The following TMC1 variants were observed in gnomAD, a reference collection of about 807,000 sequenced individuals.
TMC1 encodes the protein transmembrane channel like 1.
In TMC1, 84 loss-of-function variants were observed where a neutral mutation model predicts 105.8. The observed-to-expected ratio is 0.79, with a 90% CI of 0.67 to 0.95. The LOEUF (loss-of-function observed/expected upper bound fraction) is 0.95. Ranked by LOEUF, TMC1 falls within the 40% of genes least tolerant of loss-of-function variation. The pLI, the probability that TMC1 is intolerant of heterozygous loss-of-function variation, is 0.00. For synonymous variants in TMC1, 315 were observed against 311.5 expected (o/e 1.01, Z -0.12); for missense variants, 817 against 914.1 (o/e 0.89, Z 1.37).
At chr9:72,536,607 C>T (rs1313460749) in intron 1 of TMC1, among the ~76,000 whole-genome samples, 1 of 152,216 alleles carries the variant, frequency 6.6e-6, no homozygotes, top group Non-Finnish European at 1.5e-5. Context: ...GCTGGGATTA[C>T]AGACGTGAGC....
chr9:72,529,837 G>A (rs1823469134), intron 1 of TMC1, among the ~76,000 whole-genome samples: 1 of 152,120 alleles, frequency 6.6e-6, no homozygotes, highest in South Asian at 2.1e-4. Flanking sequence ...CTCACCTGCA[G>A]CTAGATAAAA....
intron 1 of TMC1, among the ~76,000 whole-genome samples, chr9:72,572,551 G>A (rs933465873): frequency 6.6e-6 from 1 of 152,154 alleles, no homozygotes; most frequent in African/African-American, 2.4e-5. Context: ...ATAGACATGG[G>A]ACTAAAGGAG....
chr9:72,530,743 TTTG>T (rs1823485491), intron 1 of TMC1, among the ~76,000 whole-genome samples: 1 of 152,064 alleles, frequency 6.6e-6, no homozygotes, highest in Admixed American at 6.5e-5. Context: ...AGTATTATAA[TTTG>T]TTTATTGAAT....
chr9:72,602,364 T>A (rs1229849875), intron 2 of TMC1, among the ~76,000 whole-genome samples: 1 of 137,478 alleles, frequency 7.3e-6, no homozygotes, highest in Non-Finnish European at 1.5e-5. Flanking sequence ...CTCCTATTGG[T>A]GATTTTTTTT....
intron 10 of TMC1, 132 bp downstream of exon 10, chr9:72,742,657 A>G: frequency 1.2e-6 from 1 of 809,818 alleles, no homozygotes. Context: ...CAAAAACCAA[A>G]TCAACAAAAA....
intron 2 of TMC1, among the ~76,000 whole-genome samples, chr9:72,605,215 T>G (rs979165090): frequency 5.3e-5 from 8 of 152,194 alleles, no homozygotes; most frequent in African/African-American, 1.7e-4. Flanking sequence ...GGGTTATCAT[T>G]TATCTATAGT....
At chr9:72,753,440 T>C (rs566902947) in intron 11 of TMC1, among the ~76,000 whole-genome samples, 2 of 152,228 alleles carry the variant, frequency 1.3e-5, no homozygotes, top group South Asian at 4.2e-4. Flanking sequence ...CCATGCTGCC[T>C]CCATGTGGAG....
chr9:72,725,386 T>C (rs1484483164), intron 8 of TMC1, among the ~76,000 whole-genome samples: 10 of 120,382 alleles, frequency 8.3e-5, no homozygotes, highest in Admixed American at 3.5e-4. Flanking sequence ...CACACACACA[T>C]GCGTACATAT....
chr9:72,595,310 G>A (rs570610394), intron 2 of TMC1, among the ~76,000 whole-genome samples: 2 of 152,186 alleles, frequency 1.3e-5, no homozygotes, highest in Admixed American at 6.5e-5. Flanking sequence ...CATAGACCCC[G>A]ACCAGCCTAC....
At position 72,740,093 on chromosome 9, in the gene TMC1, C is replaced by A. The variant is rs145181573; in HGVS notation, c.363-26C>A. ...GTCATTGCAACTCACCTCCTTTTATCCCTTATGTTATTTTTATTTTCTCAG... is the reference window on the plus strand; with the variant it reads ...GTCATTGCAACTCACCTCCTTTTATACCTTATGTTATTTTTATTTTCTCAG... On this transcript the variant is annotated intron_variant, in intron 8 of 23. Transcript: ENST00000297784. The A allele has an allele frequency of 0.011, 16,680 of 1,575,460 alleles. 167 individuals carry two copies. Among genetic ancestry groups the A allele is most frequent in the South Asian group, 0.029 (2,617 of 90,252 alleles).
At chr9:72,576,821 G>A (rs2132095139) in intron 1 of TMC1, among the ~76,000 whole-genome samples, 1 of 152,042 alleles carries the variant, frequency 6.6e-6, no homozygotes, top group African/African-American at 2.4e-5. Flanking sequence ...AGTAGAGACA[G>A]GGTTTCACCA....
intron 8 of TMC1, among the ~76,000 whole-genome samples, chr9:72,731,087 ATC>A: frequency 6.6e-6 from 1 of 152,322 alleles, no homozygotes. Context: ...TGAAATTCAC[ATC>A]TATGCCAGGT....
At chr9:72,542,546 G>T (rs778209242) in intron 1 of TMC1, among the ~76,000 whole-genome samples, 4 of 152,082 alleles carry the variant, frequency 2.6e-5, no homozygotes, top group African/African-American at 7.2e-5. Context: ...CTTGAACCCG[G>T]GAGGCAGAGG....
rs573925396 is a variant in TMC1, at chr9:72,802,848, C to T, written c.1567-2534C>T. On this transcript the variant is annotated intron_variant, in intron 17 of 23. Transcript: ENST00000297784. ...TTCAATGCTATTTCCATTAAACCACCATTGACATTCTTCACAGAATTAGAA... is the reference window on the plus strand; with the variant it reads ...TTCAATGCTATTTCCATTAAACCACTATTGACATTCTTCACAGAATTAGAA... Among the ~76,000 whole-genome samples, 3 of 152,118 alleles carry T rather than the reference C, an allele frequency of 2.0e-5. No homozygotes were observed. The East Asian group carries it at 5.8e-4, about 29-fold the overall frequency.
At chr9:72,753,407 C>T (rs1470581533) in intron 11 of TMC1, among the ~76,000 whole-genome samples, 1 of 148,348 alleles carries the variant, frequency 6.7e-6, no homozygotes, top group East Asian at 2.0e-4. Flanking sequence ...GTTTTATCAG[C>T]AGCATTTATT....
chr9:72,640,844 G>T (rs1825616739), intron 4 of TMC1, among the ~76,000 whole-genome samples: 1 of 152,024 alleles, frequency 6.6e-6, no homozygotes, highest in South Asian at 2.1e-4. Flanking sequence ...TGTTAGCCAG[G>T]ATGATCTCAA....
chr9:72,550,086 A>G lies in TMC1; in HGVS notation c.-427-27816A>G, dbSNP rs188432259. On this transcript the variant is annotated intron_variant, in intron 1 of 23. Coordinates refer to ENST00000297784, the MANE Select transcript of TMC1 (RefSeq NM_138691.3). Reference sequence around the variant, plus strand: ...AAATGGAGGTAGAATATCAACCTGAATTCACTAAGAGAATGCAGGACAAAT... The same window carrying G: ...AAATGGAGGTAGAATATCAACCTGAGTTCACTAAGAGAATGCAGGACAAAT... Among the ~76,000 whole-genome samples the G allele has an allele frequency of 1.8e-3, 276 of 152,248 alleles. 2 individuals carry two copies. The highest frequency in any genetic ancestry group is 1.6e-3 in the Non-Finnish European group (112 of 68,014).
At chr9:72,525,096 T>G (rs1247173729) in intron 1 of TMC1, among the ~76,000 whole-genome samples, 1 of 152,228 alleles carries the variant, frequency 6.6e-6, no homozygotes, top group African/African-American at 2.4e-5. Context: ...CATGTATGCC[T>G]ATTCTTTTAA....
At chr9:72,603,819 A>G (rs1824862613) in intron 2 of TMC1, among the ~76,000 whole-genome samples, 1 of 124,606 alleles carries the variant, frequency 8.0e-6, no homozygotes, top group Admixed American at 8.8e-5. Flanking sequence ...AAGTGTTGGG[A>G]TTACAGGTGT....
Sources: allele counts gnomAD v4.1 joint callset (sites outside exome capture counted in the v4.1 genomes callset), GRCh38; gene constraint gnomAD v4.1.1; transcripts MANE v1.5; gene names NCBI Gene and HGNC (gene_info 2026-07-23, HGNC 2026-07-21).